AGPAT5: variants seen among roughly 807,000 people sequenced by gnomAD.
The protein encoded by AGPAT5 is 1-acyl-sn-glycerol-3-phosphate acyltransferase epsilon.
In AGPAT5, 46 loss-of-function variants were observed where a neutral mutation model predicts 45.6. The ratio of observed to expected loss-of-function variants is 1.01; its 90% CI spans 0.80 to 1.29. AGPAT5 has a LOEUF of 1.29. Ranked by LOEUF, AGPAT5 falls within the 50% of genes most tolerant of loss-of-function variation. The pLI, the probability that AGPAT5 is intolerant of heterozygous loss-of-function variation, is 0.00. For synonymous variants in AGPAT5, 272 were observed against 167.0 expected, an observed-to-expected ratio of 1.63 and a Z score of -4.85; for missense variants, 673 against 450.7, an observed-to-expected ratio of 1.49 and a Z score of -4.47.
intron 7 of AGPAT5, 82 bp downstream of exon 7, chr8:6,755,256 A>T: frequency 7.4e-7 from 1 of 1,356,684 alleles, no homozygotes. Flanking sequence ...ACCAATGTAA[A>T]TGGTTATATT....
chr8:6,755,138 G>A lies in AGPAT5; in HGVS notation c.833G>A (p.Arg278Lys). 4 of 1,608,046 alleles carry A rather than the reference G, an allele frequency of 2.5e-6. No homozygotes were observed. Among genetic ancestry groups the A allele is most frequent in the Non-Finnish European group, 3.4e-6 (4 of 1,178,954 alleles). The stretch of plus-strand genomic sequence containing the variant: ...GTCCCAGAAGAACAAGAACATATGA[G>A]AAGATGGCTGCATGAACGTTTCGAA... Reference protein sequence around the residue: ...KDVPEEQEHMRRWLHERFEIK... With the variant: ...KDVPEEQEHMKRWLHERFEIK... Residue 278 changes from arginine to lysine, a missense_variant, in exon 7 of 8, where the codon AGA becomes AAA. Coordinates refer to ENST00000285518, the MANE Select transcript of AGPAT5 (RefSeq NM_018361.5).
chr8:6,730,881 T>TC, intron 3 of AGPAT5, 55 bp downstream of exon 3: 1 of 1,300,174 alleles, frequency 7.7e-7, no homozygotes, highest in Non-Finnish European at 1.1e-6. Context: ...ATTTTTTTTT[T>TC]TTTTTTTGGA....
intron 5 of AGPAT5, among the ~76,000 whole-genome samples, chr8:6,744,807 C>T (rs1028110703): frequency 6.6e-6 from 1 of 152,206 alleles, no homozygotes; most frequent in East Asian, 1.9e-4. Flanking sequence ...GCCCCAGCCC[C>T]GGGGTCTGCC....
intron 4 of AGPAT5, among the ~76,000 whole-genome samples, chr8:6,733,020 T>C (rs943515869): frequency 2.0e-5 from 3 of 152,230 alleles, no homozygotes; most frequent in African/African-American, 7.2e-5. Flanking sequence ...AAGCAGCAAC[T>C]GTTTTCTGTT....
intron 6 of AGPAT5, among the ~76,000 whole-genome samples, chr8:6,751,726 A>AT (rs11456324): frequency 0.19 from 29,559 of 151,870 alleles, 3,001 homozygotes; most frequent in Admixed American, 0.26. Context: ...TTTTTTAATT[A>AT]TTTTTCTGAA....
At position 6,755,067 on chromosome 8, in the gene AGPAT5, A is replaced by G. The variant is rs1465903151; in HGVS notation, c.762A>G (p.Glu254=). 1.9e-6 allele frequency: 3 copies of G among 1,592,706 alleles called. No individual in the cohort carries two copies. The highest frequency in any genetic ancestry group is 1.4e-5 in the African/African-American group (1 of 73,790). ...CTTTGTTAGAATTTCTCTGCAAAGA[A>G]TGTCCAAAAATTCATATTCACATTG... ...SPTMTEFLCK[E]CPKIHIHIDR... The change falls in exon 7 of 8, where the codon GAA becomes GAG. Residue 254 remains glutamate (E), a synonymous_variant. Coordinates refer to ENST00000285518, the MANE Select transcript of AGPAT5 (RefSeq NM_018361.5).
chr8:6,727,327 A>G (rs1003945717), intron 2 of AGPAT5, among the ~76,000 whole-genome samples: 2 of 151,490 alleles, frequency 1.3e-5, no homozygotes, highest in African/African-American at 2.4e-5. Context: ...AGTCAGCAGG[A>G]TATAGTGGCT....
In AGPAT5 at chr8:6,757,524, T is replaced by A; in HGVS notation, c.*136T>A. On this transcript the variant is annotated 3_prime_UTR_variant, in exon 8 of 8. Transcript: ENST00000285518. ...TTGATTGAAGATTGGATAATAGAAT[T>A]TGTGACGAAAGCTGATATGCAATGG... The A allele has an allele frequency of 1.4e-6, 1 of 712,894 alleles. No individual in the cohort carries two copies. Among genetic ancestry groups the A allele is most frequent in the Non-Finnish European group, 2.3e-6 (1 of 432,800 alleles). The allele number at this position is 712,894 out of a possible 1,614,324, so 44.2% of individuals were successfully genotyped here. A position where few individuals can be genotyped will look rare whatever the true frequency, so the allele number is the denominator to read the frequency against.
At chr8:6,730,927 GGT>G in intron 3 of AGPAT5, 101 bp downstream of exon 3, 1 of 693,616 alleles carries the variant, frequency 1.4e-6, no homozygotes, top group Non-Finnish European at 2.3e-6. Context: ...TGAGTGCAGT[GGT>G]GTGAACACAG....
chr8:6,740,963 G>A (rs865888410), intron 4 of AGPAT5, among the ~76,000 whole-genome samples: 2 of 152,090 alleles, frequency 1.3e-5, no homozygotes, highest in Non-Finnish European at 2.9e-5. Flanking sequence ...CTCAAGCTAG[G>A]AGTTTTTGCT....
intron 2 of AGPAT5, 47 bp downstream of exon 2, chr8:6,724,986 C>A: frequency 2.8e-6 from 2 of 717,232 alleles, no homozygotes; most frequent in African/African-American, 1.8e-5. Context: ...ACAGATGGCA[C>A]ATGGGCATTC....
Position 6,758,872 on chromosome 8 carries a change from A to G in AGPAT5, c.*1484A>G, listed in dbSNP as rs1801933593. 1 of 152,696 alleles carries G rather than the reference A, an allele frequency of 6.5e-6. No homozygotes were observed. Among genetic ancestry groups the G allele is most frequent in the African/African-American group, 2.4e-5 (1 of 41,476 alleles). 9.5% of individuals were successfully genotyped at this position (152,696 alleles called of 1,614,324 possible). A position where few individuals can be genotyped will look rare whatever the true frequency, so the allele number is the denominator to read the frequency against. On this transcript the variant is annotated 3_prime_UTR_variant, in exon 8 of 8. Coordinates refer to ENST00000285518, the MANE Select transcript of AGPAT5 (RefSeq NM_018361.5). ...TACTGGATTTTTGCTGCAGAAATAT[A>G]TCAGTGGCCCACATTAAACATACCA...
intron 1 of AGPAT5, among the ~76,000 whole-genome samples, chr8:6,718,875 G>C (rs908160581): frequency 6.6e-6 from 1 of 152,192 alleles, no homozygotes; most frequent in Non-Finnish European, 1.5e-5. Context: ...TTATGTCCTT[G>C]AGAAGCAGCA....
intron 1 of AGPAT5, among the ~76,000 whole-genome samples, chr8:6,722,355 T>C (rs4840574): frequency 0.01 from 1,533 of 152,360 alleles, 21 homozygotes; most frequent in East Asian, 0.064. Flanking sequence ...GCATATTCTC[T>C]GATCTCTTTC....
intron 1 of AGPAT5, among the ~76,000 whole-genome samples, chr8:6,718,440 C>G (rs1453592785): frequency 6.6e-6 from 1 of 152,226 alleles, no homozygotes; most frequent in Non-Finnish European, 1.5e-5. Flanking sequence ...CCACAGTCTA[C>G]AACGTACGAG....
chr8:6,715,189 T>TA (rs1262823385), intron 1 of AGPAT5, among the ~76,000 whole-genome samples: 2 of 152,010 alleles, frequency 1.3e-5, no homozygotes, highest in African/African-American at 2.4e-5. Context: ...AACAAGAAAA[T>TA]GAAAATTTAC....
At chr8:6,734,270 T>A (rs199700966) in intron 4 of AGPAT5, among the ~76,000 whole-genome samples, 4,680 of 148,842 alleles carry the variant, frequency 0.031, 152 homozygotes, top group African/African-American at 0.075. Context: ...TTTTTTTTAA[T>A]TTTTTTTTTT....
At chr8:6,739,332 G>A (rs925095118) in intron 4 of AGPAT5, among the ~76,000 whole-genome samples, 3 of 152,092 alleles carry the variant, frequency 2.0e-5, no homozygotes, top group African/African-American at 4.8e-5. Flanking sequence ...CCCAAAGTTT[G>A]TGGGCTTTTC....
intron 4 of AGPAT5, among the ~76,000 whole-genome samples, chr8:6,733,481 C>A (rs1181165995): frequency 6.6e-6 from 1 of 152,136 alleles, no homozygotes; most frequent in Non-Finnish European, 1.5e-5. Context: ...GGTGTTTTTA[C>A]ATTAGAACAT....
Sources: allele counts gnomAD v4.1 joint callset (sites outside exome capture counted in the v4.1 genomes callset), GRCh38; gene constraint gnomAD v4.1.1; transcripts MANE v1.5; gene names NCBI Gene and HGNC (gene_info 2026-07-23, HGNC 2026-07-21).